Variants in KCNJ15 observed in about 807,000 individuals in gnomAD.
KCNJ15 encodes the protein potassium inwardly rectifying channel subfamily J member 15.
KCNJ15 carries 14 observed loss-of-function variants against 23.0 expected under a neutral mutation model. The ratio of observed to expected loss-of-function variants is 0.61; its 90% CI spans 0.40 to 0.95. The LOEUF is 0.95. KCNJ15 is among the 40% of genes least tolerant of loss of function. KCNJ15 has a pLI of 0.00. For missense variants in KCNJ15, 388 were observed against 461.8 expected (o/e 0.84, Z 1.46); for synonymous variants, 185 against 183.2 (o/e 1.01, Z -0.08).
intron 1 of KCNJ15, among the ~76,000 whole-genome samples, chr21:38,265,001 G>A (rs554839704): frequency 3.5e-4 from 54 of 152,164 alleles, no homozygotes; most frequent in African/African-American, 1.3e-3. Context: ...GAAAACAAGG[G>A]GAAAAAATAA....
intron 1 of KCNJ15, among the ~76,000 whole-genome samples, chr21:38,233,343 A>T (rs1450085326): frequency 6.6e-6 from 1 of 152,066 alleles, no homozygotes; most frequent in Admixed American, 6.5e-5. Context: ...CTCTGTGGAC[A>T]ATATATAGCT....
chr21:38,231,641 A>C (rs1047986536), intron 1 of KCNJ15, among the ~76,000 whole-genome samples: 2 of 122,938 alleles, frequency 1.6e-5, no homozygotes, highest in African/African-American at 6.2e-5. Context: ...CTCTATTCCT[A>C]GTTTATTGAA....
At chr21:38,286,059 C>T (rs1012851352) in intron 1 of KCNJ15, among the ~76,000 whole-genome samples, 4 of 152,026 alleles carry the variant, frequency 2.6e-5, no homozygotes, top group South Asian at 4.2e-4. Context: ...CTGGCTAACA[C>T]GGTGAAACCT....
intron 1 of KCNJ15, among the ~76,000 whole-genome samples, chr21:38,276,856 G>A (rs542194349): frequency 6.6e-6 from 1 of 152,000 alleles, no homozygotes; most frequent in Admixed American, 6.5e-5. Flanking sequence ...GGAGACAAAA[G>A]CAATCATTTC....
At chr21:38,289,196 C>CAAAAAAAAAAAAAAAAAAAAAA (rs66914079) in intron 1 of KCNJ15, among the ~76,000 whole-genome samples, 1 of 72,428 alleles carries the variant, frequency 1.4e-5, no homozygotes, top group African/African-American at 4.7e-5. Context: ...AAGACTGTCT[C>CAAAAAAAAAAAAAAAAAAAAAA]AAAAAAAAAA....
At chr21:38,234,154 A>G (rs947434119) in intron 1 of KCNJ15, among the ~76,000 whole-genome samples, 2 of 152,224 alleles carry the variant, frequency 1.3e-5, no homozygotes, top group African/African-American at 2.4e-5. Context: ...TTATATTTTG[A>G]GTGAAAGGTC....
At chr21:38,248,665 G>C (rs1018219368) in intron 1 of KCNJ15, among the ~76,000 whole-genome samples, 3 of 152,174 alleles carry the variant, frequency 2.0e-5, no homozygotes, top group Non-Finnish European at 4.4e-5. Flanking sequence ...CACGGCTTCT[G>C]TGTCCCACAA....
intron 1 of KCNJ15, among the ~76,000 whole-genome samples, chr21:38,296,366 G>T (rs1010246326): frequency 6.6e-6 from 1 of 152,184 alleles, no homozygotes; most frequent in Non-Finnish European, 1.5e-5. Flanking sequence ...ATTTAAAGGA[G>T]ATTACATGAA....
rs541557540 is a variant in KCNJ15, at chr21:38,305,848, T to C, written c.*5459T>C. On this transcript the variant is annotated 3_prime_UTR_variant, in exon 3 of 3. Transcript: ENST00000398938. ...GCCTCTTTATTTGGAGTTTATGATATTCATACAACTAGTAGTAGAGTCAGG... is the reference window on the plus strand; with the variant it reads ...GCCTCTTTATTTGGAGTTTATGATACTCATACAACTAGTAGTAGAGTCAGG... The C allele has an allele frequency of 1.3e-5, 2 of 152,352 alleles. No homozygotes were observed. The highest frequency in any genetic ancestry group is 3.9e-4 in the East Asian group (2 of 5,188). The allele number at this position is 152,352 out of a possible 1,614,324, so 9.4% of individuals were successfully genotyped here.
chr21:38,245,116 C>G (rs1568983696), intron 1 of KCNJ15, among the ~76,000 whole-genome samples: 1 of 151,906 alleles, frequency 6.6e-6, no homozygotes, highest in African/African-American at 2.4e-5. Flanking sequence ...GGTCTACAAA[C>G]AGAAGGAAGT....
intron 1 of KCNJ15, among the ~76,000 whole-genome samples, chr21:38,295,014 A>C (rs866155717): frequency 1.1e-4 from 16 of 152,332 alleles, no homozygotes; most frequent in Middle Eastern, 3.4e-3. Context: ...AATTAAAGAA[A>C]ACTGTTAATG....
intron 1 of KCNJ15, among the ~76,000 whole-genome samples, chr21:38,293,826 T>C (rs896690681): frequency 1.3e-5 from 2 of 152,276 alleles, no homozygotes; most frequent in Non-Finnish European, 2.9e-5. Flanking sequence ...TTGTCCACCT[T>C]GCTTGTTTTC....
In KCNJ15 at chr21:38,305,080, C is replaced by CAAAAAAAAAAAAAAA. The variant is rs60094452; in HGVS notation, c.*4694_*4708dup. 1 of 97,792 alleles carries CAAAAAAAAAAAAAAA rather than the reference C, an allele frequency of 1.0e-5. No individual in the cohort carries two copies. The highest frequency in any genetic ancestry group is 2.0e-5 in the Non-Finnish European group (1 of 49,134). The allele number at this position is 97,792 out of a possible 1,614,324, so 6.1% of individuals were successfully genotyped here. A position where few individuals can be genotyped will look rare whatever the true frequency, so the allele number is the denominator to read the frequency against. On this transcript the variant is annotated 3_prime_UTR_variant, in exon 3 of 3. Transcript: ENST00000398938. ...GGGCAACAAAAGTAAAACTCCGTCT[C>CAAAAAAAAAAAAAAA]AAAAAAAAAAAAAAAAAGAAAAAGA...
Position 38,299,653 on chromosome 21 carries a change from G to A in KCNJ15, c.392G>A (p.Gly131Glu), listed in dbSNP as rs1292988383. Residue 131 changes from glycine (G) to glutamate (E), a missense_variant, in exon 3 of 3, where the codon GGA becomes GAA. Physicochemically the swap from Gly to Glu is moderately conservative, Grantham distance 98. Transcript: ENST00000398938. The surrounding 1 kb of genome is among the most constrained non-coding windows in gnomAD (Gnocchi z 4.5). ...GAATCCCAGACAACCATTGGCTATG[G>A]AGTCCGTTCCATCACAGAGGAATGT... ...SLESQTTIGYGVRSITEECPH... is the reference protein window; with the variant it reads ...SLESQTTIGYEVRSITEECPH... The A allele has an allele frequency of 1.9e-6, 3 of 1,614,012 alleles. No homozygotes were observed. In the African/African-American group the frequency reaches 4.0e-5, roughly 22 times the overall value.
At chr21:38,293,298 G>T (rs776902781) in intron 1 of KCNJ15, among the ~76,000 whole-genome samples, 1 of 152,068 alleles carries the variant, frequency 6.6e-6, no homozygotes, top group Non-Finnish European at 1.5e-5. Flanking sequence ...TGATGATCCC[G>T]ACACCTCTCT....
chr21:38,282,263 T>C (rs1000864777), intron 1 of KCNJ15, among the ~76,000 whole-genome samples: 4 of 152,184 alleles, frequency 2.6e-5, no homozygotes, highest in African/African-American at 9.7e-5. Flanking sequence ...GTTACTGGTG[T>C]ACCCCACATT....
At chr21:38,261,582 C>A (rs2085247199) in intron 1 of KCNJ15, among the ~76,000 whole-genome samples, 1 of 152,184 alleles carries the variant, frequency 6.6e-6, no homozygotes, top group Admixed American at 6.5e-5. Context: ...TTAATGCTAT[C>A]TAGAATGTTT....
intron 1 of KCNJ15, among the ~76,000 whole-genome samples, chr21:38,231,062 T>G (rs1421604177): frequency 6.6e-6 from 1 of 152,084 alleles, no homozygotes; most frequent in Admixed American, 6.5e-5. Context: ...ATGGGATGTC[T>G]TTCCCTTTAT....
chr21:38,241,837 T>G (rs1979018684), intron 1 of KCNJ15, among the ~76,000 whole-genome samples: 1 of 151,804 alleles, frequency 6.6e-6, no homozygotes, highest in Non-Finnish European at 1.5e-5. Flanking sequence ...GACATTGTGA[T>G]GGGCACCTGT....
Sources: allele counts gnomAD v4.1 joint callset (sites outside exome capture counted in the v4.1 genomes callset), GRCh38; gene constraint gnomAD v4.1.1; non-coding constraint Gnocchi (gnomAD v3.1); transcripts MANE v1.5; gene names NCBI Gene and HGNC (gene_info 2026-07-23, HGNC 2026-07-21).